GIT2: variants seen among roughly 807,000 people sequenced by gnomAD.
The protein encoded by GIT2 is GIT ArfGAP 2, also known as ARF GTPase-activating protein GIT2.
A neutral mutation model predicts 100.3 loss-of-function variants in GIT2; 32 were observed. The ratio of observed to expected loss-of-function variants is 0.32; its 90% CI spans 0.24 to 0.43. The LOEUF (loss-of-function observed/expected upper bound fraction) is 0.43. Among genes scored for constraint, GIT2 ranks in the 20% least tolerant of loss-of-function variants. The pLI is 1.00. For missense variants in GIT2, 737 were observed against 975.1 expected (o/e 0.76, Z 3.25); for synonymous variants, 353 against 364.1 (o/e 0.97, Z 0.35).
chr12:109,971,567 AC>A (rs1326771443), intron 7 of GIT2, among the ~76,000 whole-genome samples: 1 of 149,194 alleles, frequency 6.7e-6, no homozygotes, highest in Non-Finnish European at 1.5e-5. Context: ...CAGGTGACCC[AC>A]CCCCTTCTGC....
chr12:109,933,490 A>G lies in GIT2; in HGVS notation c.2068-300T>C, dbSNP rs1454172415. On this transcript the variant is annotated intron_variant, in intron 19 of 19. Coordinates refer to ENST00000355312, the MANE Select transcript of GIT2 (RefSeq NM_057169.5). The surrounding 1 kb of genome is among the most constrained non-coding windows in gnomAD (Gnocchi z 4.5). ...TGGGTAAAATATTCCAGAAAATCCT[A>G]TAAATTTTAAAATGTGCCTTTTAGC... The G allele has an allele frequency of 2.6e-5, 8 of 301,986 alleles. No homozygotes were observed. In the Admixed American group the frequency reaches 3.2e-4, roughly 12 times the overall value. 18.7% of individuals were successfully genotyped at this position (301,986 alleles called of 1,614,324 possible).
rs959094432 is a variant in GIT2, at chr12:109,996,318, G to T, written c.-94C>A. On this transcript the variant is annotated 5_prime_UTR_variant, in exon 1 of 20. Transcript: ENST00000355312. ...TTCCGCTCTAACGGGTCCCAGCTGC[G>T]GCGGCGCTGACGGCGGCGCCTCTCC... is the stretch of plus-strand genomic sequence containing the variant. The T allele has an allele frequency of 5.8e-6, 5 of 865,142 alleles. No individual in the cohort carries two copies. The highest frequency in any genetic ancestry group is 3.0e-5 in the Admixed American group (1 of 33,874). 53.6% of individuals were successfully genotyped at this position (865,142 alleles called of 1,614,324 possible).
chr12:109,970,559 T>C (rs1883603087), intron 7 of GIT2, among the ~76,000 whole-genome samples: 1 of 152,182 alleles, frequency 6.6e-6, no homozygotes, highest in Middle Eastern at 3.2e-3. Context: ...TGATTACCTT[T>C]GCACTTTTGA....
chr12:109,953,482 T>C (rs987375325), intron 12 of GIT2: 2 of 390,794 alleles, frequency 5.1e-6, no homozygotes, highest in East Asian at 5.1e-5. Context: ...TATCCAGGCC[T>C]GGTGTCACAG....
intron 9 of GIT2, among the ~76,000 whole-genome samples, chr12:109,965,126 T>C (rs573108547): frequency 1.0e-3 from 155 of 152,248 alleles, no homozygotes; most frequent in South Asian, 3.3e-3. Flanking sequence ...CCAGTGAATC[T>C]ATGGGACTCG....
intron 2 of GIT2, 23 bp downstream of exon 2, chr12:109,991,604 T>A (rs769519420): frequency 6.3e-7 from 1 of 1,591,442 alleles, no homozygotes. Context: ...TTACCAACTG[T>A]CAGGAGAATT....
chr12:109,990,508 C>T (rs1014663151), intron 2 of GIT2, among the ~76,000 whole-genome samples: 17 of 152,204 alleles, frequency 1.1e-4, no homozygotes, highest in Non-Finnish European at 2.5e-4. Flanking sequence ...CAAGGCATGA[C>T]TCCTAAAACA....
chr12:109,939,110 C>T, intron 17 of GIT2, 55 bp downstream of exon 17: 2 of 1,024,524 alleles, frequency 2.0e-6, no homozygotes, highest in Non-Finnish European at 3.1e-6. Flanking sequence ...CCAGGCCTGC[C>T]AGGTCTCTGG....
intron 6 of GIT2, chr12:109,982,157 T>C (rs1327155511): frequency 6.6e-6 from 1 of 152,392 alleles, no homozygotes; most frequent in African/African-American, 2.4e-5. Context: ...TCAGGTCTCC[T>C]GCTGTGCTGA....
chr12:109,988,796 G>A (rs138549368), intron 4 of GIT2, among the ~76,000 whole-genome samples, 167 bp downstream of exon 4: 2,138 of 149,166 alleles, frequency 0.014, 60 homozygotes, highest in African/African-American at 0.052. Flanking sequence ...GAGGCTGCAG[G>A]GAGCCAAGAT....
At chr12:109,961,800 T>C in intron 9 of GIT2, 115 bp from the exon 10 acceptor site, 1 of 715,992 alleles carries the variant, frequency 1.4e-6, no homozygotes. Context: ...TGCCAGTGCT[T>C]GGTACATACC....
chr12:109,985,516 G>A (rs1357779710), intron 4 of GIT2, among the ~76,000 whole-genome samples: 1 of 152,170 alleles, frequency 6.6e-6, no homozygotes, highest in East Asian at 1.9e-4. Flanking sequence ...AAGAATTTGA[G>A]ACCAGTATGG....
Position 109,948,525 on chromosome 12 carries a change from C to A in GIT2, c.1393-1021G>T. Reference sequence around the variant, plus strand: ...ACTCTTTGGCATCTGGCATTTTAAACACCATTCACCACGTCCATTCTGCGC... The same window carrying A: ...ACTCTTTGGCATCTGGCATTTTAAAAACCATTCACCACGTCCATTCTGCGC... On this transcript the variant is annotated intron_variant, in intron 14 of 19. Transcript: ENST00000355312. This position sits in a 1 kb window ranked among gnomAD's most constrained non-coding sequence, Gnocchi z 4.3. The A allele has an allele frequency of 1.6e-6, 2 of 1,263,816 alleles. No individual in the cohort carries two copies. The highest frequency in any genetic ancestry group is 2.0e-6 in the Non-Finnish European group (2 of 1,004,858). The allele number at this position is 1,263,816 out of a possible 1,614,324, so 78.3% of individuals were successfully genotyped here. A position where few individuals can be genotyped will look rare whatever the true frequency, so the allele number is the denominator to read the frequency against.
At chr12:109,939,672 AAAAATAAAT>A (rs1043332903) in intron 16 of GIT2, 2 of 141,906 alleles carry the variant, frequency 1.4e-5, no homozygotes, top group Admixed American at 1.5e-4. Flanking sequence ...GCAACATTTA[AAAAATAAAT>A]AAAATAAATA....
intron 7 of GIT2, among the ~76,000 whole-genome samples, chr12:109,976,324 G>T (rs1174421532): frequency 6.2e-5 from 8 of 129,970 alleles, no homozygotes; most frequent in Non-Finnish European, 1.2e-4. Flanking sequence ...TCACTCTGTC[G>T]CCCAGGTTGG....
chr12:109,999,905 G>A (rs1889861821), upstream of GIT2: 4 of 866,268 alleles, frequency 4.6e-6, no homozygotes, highest in Non-Finnish European at 5.0e-6. The surrounding 1 kb of genome is among the most constrained non-coding windows in gnomAD (Gnocchi z 4.3). Flanking sequence ...CTTCCACTTT[G>A]CAGGTGTGGG....
intron 8 of GIT2, among the ~76,000 whole-genome samples, chr12:109,966,526 A>AG (rs1300414581): frequency 3.5e-4 from 53 of 150,520 alleles, no homozygotes; most frequent in South Asian, 4.2e-4. Context: ...AAAAAAAAAA[A>AG]AAAGAAAGAA....
intron 4 of GIT2, 115 bp downstream of exon 4, chr12:109,988,848 C>CAAAA (rs59956597): frequency 6.8e-5 from 14 of 204,926 alleles, no homozygotes; most frequent in African/African-American, 2.4e-4. Flanking sequence ...GACTCTGTCT[C>CAAAA]AAAAAAAAAA....
intron 8 of GIT2, chr12:109,967,178 T>G: frequency 3.2e-6 from 2 of 627,636 alleles, no homozygotes; most frequent in Non-Finnish European, 5.5e-6. Flanking sequence ...TACAGAAGTA[T>G]TCTGTAAATA....
Sources: gnomAD v4.1 joint callset for allele counts (sites outside exome capture counted in the v4.1 genomes callset) on GRCh38, gnomAD v4.1.1 for gene constraint, Gnocchi (gnomAD v3.1) non-coding constraint, MANE v1.5 for transcripts, NCBI Gene and HGNC (gene_info 2026-07-23, HGNC 2026-07-21) for gene names.